Variants in PCDHGB6 observed in about 807,000 individuals in gnomAD.
PCDHGB6 encodes the protein protocadherin gamma subfamily B, 6.
PCDHGB6 carries 51 observed loss-of-function variants against 59.1 expected under a neutral mutation model. The observed-to-expected ratio is 0.86, with a 90% confidence interval of 0.69 to 1.09. The LOEUF is 1.09. Among genes scored for constraint, PCDHGB6 ranks in the 50% least tolerant of loss-of-function variants. PCDHGB6 has a pLI of 0.00. For synonymous variants in PCDHGB6, 466 were observed against 495.1 expected (o/e 0.94, Z 0.78); for missense variants, 1,148 against 1,205.1 (o/e 0.95, Z 0.70).
At chr5:141,481,240 T>G (rs1323124277) in intron 1 of PCDHGB6, among the ~76,000 whole-genome samples, 1 of 152,208 alleles carries the variant, frequency 6.6e-6, no homozygotes, top group Non-Finnish European at 1.5e-5. Flanking sequence ...AAGTATTACA[T>G]AGCATAGCTC....
At chr5:141,505,532 G>A in intron 3 of PCDHGB6, 51 bp downstream of exon 3, 2 of 1,611,270 alleles carry the variant, frequency 1.2e-6, no homozygotes, top group Non-Finnish European at 1.7e-6. Context: ...GGGGTTCTGG[G>A]GTGCATCTCA....
chr5:141,421,912 A>G (rs1207036091), intron 1 of PCDHGB6: 2 of 1,613,696 alleles, frequency 1.2e-6, no homozygotes, highest in Admixed American at 1.7e-5. Context: ...CGCAGTTCCC[A>G]TTCGTGTGGT....
chr5:141,499,408 G>C (rs1178843162), intron 2 of PCDHGB6, among the ~76,000 whole-genome samples: 1 of 151,896 alleles, frequency 6.6e-6, no homozygotes, highest in Non-Finnish European at 1.5e-5. Context: ...GCTCATTATA[G>C]AAACATGAAA....
At chr5:141,419,475 C>G (rs775720158) in intron 1 of PCDHGB6, 2 of 1,612,266 alleles carry the variant, frequency 1.2e-6, no homozygotes, top group Admixed American at 1.7e-5. Context: ...GACCAGGGCT[C>G]GCCCGCGCTC....
Position 141,477,443 on chromosome 5 carries a change from G to C in PCDHGB6, c.2419-17364G>C. The C allele has an allele frequency of 6.2e-7, 1 of 1,614,136 alleles. No individual in the cohort carries two copies. Among genetic ancestry groups the C allele is most frequent in the Non-Finnish European group, 8.5e-7 (1 of 1,180,024 alleles). ...CCCTTCCCTCTCAGCCCTTACAATA[G>C]TGCGTGTTCAAGTGTCCGACATCAA... On this transcript the variant is annotated intron_variant, in intron 1 of 3. Coordinates refer to ENST00000520790, the MANE Select transcript of PCDHGB6 (RefSeq NM_018926.3). This position sits in a 1 kb window ranked among gnomAD's most constrained non-coding sequence, Gnocchi z 4.9.
At chr5:141,466,107 G>T (rs1463944825) in intron 1 of PCDHGB6, among the ~76,000 whole-genome samples, 1 of 151,928 alleles carries the variant, frequency 6.6e-6, no homozygotes, top group East Asian at 1.9e-4. Flanking sequence ...GGGCAACAGA[G>T]TGAGACTCCA....
rs764648085 is a variant in PCDHGB6, at chr5:141,409,447, A to G, written c.1245A>G (p.Thr415=). ...VTDGALDREQ[T]PEYNVTIVAT... The stretch of plus-strand genomic sequence containing the variant: ...ATGGAGCCCTGGACCGAGAGCAGAC[A>G]CCAGAATACAATGTCACCATCGTAG... Residue 415 remains threonine (T), a synonymous_variant, in exon 1 of 4, where the codon ACA becomes ACG. Coordinates refer to ENST00000520790, the MANE Select transcript of PCDHGB6 (RefSeq NM_018926.3). 3 of 1,614,008 alleles carry G rather than the reference A, an allele frequency of 1.9e-6. No individual in the cohort carries two copies. Among genetic ancestry groups the G allele is most frequent in the Admixed American group, 1.7e-5 (1 of 60,032 alleles).
At chr5:141,433,358 C>CCTAT (rs3074541) in intron 1 of PCDHGB6, 148,925 of 502,316 alleles carry the variant, frequency 0.3, 18,760 homozygotes, top group East Asian at 0.33. Flanking sequence ...CTACTGTCTG[C>CCTAT]CTATCTATCT....
chr5:141,425,795 T>A (rs2096894407), intron 1 of PCDHGB6, among the ~76,000 whole-genome samples: 1 of 152,244 alleles, frequency 6.6e-6, no homozygotes, highest in Non-Finnish European at 1.5e-5. Flanking sequence ...TTCCAATATG[T>A]GCATTGCTTC....
Position 141,409,217 on chromosome 5 carries a change from G to A in PCDHGB6, c.1015G>A (p.Asp339Asn), listed in dbSNP as rs1394491727. 1 of 1,613,852 alleles carries A rather than the reference G, an allele frequency of 6.2e-7. No individual in the cohort carries two copies. The highest frequency in any genetic ancestry group is 8.5e-7 in the Non-Finnish European group (1 of 1,179,892). The change falls in exon 1 of 4, where the codon GAT becomes AAT. Residue 339 changes from aspartate (D) to asparagine (N), a missense_variant. Asp to Asn is a conservative substitution (Grantham distance 23, BLOSUM62 1). This residue lies in a region of PCDHGB6 where 549 missense variants were observed against 527.5 expected (regional missense o/e 1.04). Coordinates refer to ENST00000520790, the MANE Select transcript of PCDHGB6 (RefSeq NM_018926.3). ...GTGTAAAGTAATCATAGAAATCCTT[G>A]ATGAAAACGACAACAGCCCAGAAAT... is the stretch of plus-strand genomic sequence containing the variant. Reference protein sequence around the residue: ...TQCKVIIEILDENDNSPEIII... With the variant: ...TQCKVIIEILNENDNSPEIII...
At position 141,409,626 on chromosome 5, in the gene PCDHGB6, G is replaced by A. The variant is rs776642148; in HGVS notation, c.1424G>A (p.Ser475Asn). The A allele has an allele frequency of 8.1e-6, 13 of 1,613,760 alleles. No homozygotes were observed. The highest frequency in any genetic ancestry group is 5.1e-6 in the Non-Finnish European group (6 of 1,179,898). Residue 475 changes from serine (S) to asparagine (N), a missense_variant, in exon 1 of 4, where the codon AGC (serine) becomes AAC (asparagine). Ser to Asn is a conservative substitution (Grantham distance 46, BLOSUM62 1). This residue lies in a region of PCDHGB6 where 549 missense variants were observed against 527.5 expected (regional missense o/e 1.04). Coordinates refer to ENST00000520790, the MANE Select transcript of PCDHGB6 (RefSeq NM_018926.3). ...NPPGASIAQV[S>N]ASDPDLGLNG... The stretch of plus-strand genomic sequence containing the variant: ...CCAGGAGCCTCCATTGCGCAAGTGA[G>A]CGCCTCTGACCCGGATTTGGGGCTC...
intron 3 of PCDHGB6, 154 bp from the exon 4 acceptor site, chr5:141,510,793 G>GAGA: frequency 1.1e-6 from 1 of 935,078 alleles, no homozygotes; most frequent in Non-Finnish European, 1.3e-6. Context: ...CTCTTGTGAA[G>GAGA]AGAGACTACC....
chr5:141,438,122 A>T (rs1272350030), intron 1 of PCDHGB6, among the ~76,000 whole-genome samples: 1 of 152,214 alleles, frequency 6.6e-6, no homozygotes, highest in Non-Finnish European at 1.5e-5. Flanking sequence ...CATTCCTAAA[A>T]TATTAATGGC....
At chr5:141,438,649 CACATATATGTAT>C (rs1346265042) in intron 1 of PCDHGB6, among the ~76,000 whole-genome samples, 20 of 100,970 alleles carry the variant, frequency 2.0e-4, no homozygotes, top group Admixed American at 2.1e-4. Flanking sequence ...CACACACACA[CACATATATGTAT>C]ATATATATTT....
chr5:141,455,143 T>C (rs984886337), intron 1 of PCDHGB6, among the ~76,000 whole-genome samples: 1 of 149,894 alleles, frequency 6.7e-6, no homozygotes, highest in Non-Finnish European at 1.5e-5. Flanking sequence ...CTGTGTTAAA[T>C]AAATATTAGT....
intron 1 of PCDHGB6, among the ~76,000 whole-genome samples, chr5:141,429,545 G>T (rs1200824675): frequency 6.6e-6 from 1 of 151,844 alleles, no homozygotes; most frequent in East Asian, 1.9e-4. Context: ...TAAGAACATG[G>T]TAATGATTTG....
chr5:141,479,324 C>G (rs2099492748), intron 1 of PCDHGB6: 1 of 152,556 alleles, frequency 6.6e-6, no homozygotes, highest in Admixed American at 6.5e-5. Context: ...TAGCCAGACT[C>G]AGTGGTGTGC....
chr5:141,486,409 C>G lies in PCDHGB6; in HGVS notation c.2419-8398C>G, dbSNP rs1396288134. On this transcript the variant is annotated intron_variant, in intron 1 of 3. Coordinates refer to ENST00000520790, the MANE Select transcript of PCDHGB6 (RefSeq NM_018926.3). The surrounding 1 kb of genome is among the most constrained non-coding windows in gnomAD (Gnocchi z 5.0). Reference sequence around the variant, plus strand: ...AGTTCTCCCTGGTGACTGCTGGACCCTTGGATCGAGAGGCCAAATCTAGCT... The same window carrying G: ...AGTTCTCCCTGGTGACTGCTGGACCGTTGGATCGAGAGGCCAAATCTAGCT... 6.2e-7 allele frequency: 1 copy of G among 1,614,170 alleles called. No individual in the cohort carries two copies. Among genetic ancestry groups the G allele is most frequent in the East Asian group, 2.2e-5 (1 of 44,874 alleles).
In PCDHGB6 at chr5:141,455,253, C is replaced by A. The variant is rs187877877; in HGVS notation, c.2419-39554C>A. 2.8e-3 allele frequency among the ~76,000 whole-genome samples: 433 copies of A among 151,986 alleles called. 1 individual carries two copies. Among genetic ancestry groups the A allele is most frequent in the Admixed American group, 0.021 (319 of 15,266 alleles). ...AAAATGTTAAAGGTCATAGTACAAT[C>A]GCATTTCTTCCCATTGATTATTAAC... is the stretch of plus-strand genomic sequence containing the variant. On this transcript the variant is annotated intron_variant, in intron 1 of 3. Coordinates refer to ENST00000520790, the MANE Select transcript of PCDHGB6 (RefSeq NM_018926.3).
Sources: allele counts gnomAD v4.1 joint callset (sites outside exome capture counted in the v4.1 genomes callset), GRCh38; gene constraint gnomAD v4.1.1; regional missense constraint gnomAD v4.1.1; non-coding constraint Gnocchi (gnomAD v3.1); transcripts MANE v1.5; gene names NCBI Gene and HGNC (gene_info 2026-07-23, HGNC 2026-07-21).